Variants in PPM1H observed in about 807,000 individuals in gnomAD.
PPM1H encodes protein phosphatase, Mg2+/Mn2+ dependent 1H.
Under a neutral mutation model 54.9 loss-of-function variants are expected in PPM1H, and 27 were observed. The ratio of observed to expected loss-of-function variants is 0.49; its 90% CI spans 0.36 to 0.68. The LOEUF is 0.68. PPM1H is among the 30% of genes least tolerant of loss of function. PPM1H has a pLI of 0.00. For synonymous variants in PPM1H, 305 were observed against 270.8 expected, an observed-to-expected ratio of 1.13 and a Z score of -1.24; for missense variants, 596 against 667.8, an observed-to-expected ratio of 0.89 and a Z score of 1.19.
intron 9 of PPM1H, chr12:62,659,205 T>C (rs567032485): frequency 5.9e-6 from 4 of 678,518 alleles, no homozygotes; most frequent in African/African-American, 5.9e-5. Context: ...TGCCAGGCTG[T>C]GCAGCGAAGA....
intron 6 of PPM1H, among the ~76,000 whole-genome samples, chr12:62,710,447 G>A (rs188518803): frequency 4.0e-5 from 6 of 151,098 alleles, no homozygotes; most frequent in African/African-American, 1.2e-4. Context: ...CATCAAAATC[G>A]CTTGAATCTG....
At chr12:62,661,489 T>C (rs11174591) in intron 9 of PPM1H, among the ~76,000 whole-genome samples, 34,010 of 152,176 alleles carry the variant, frequency 0.22, 4,027 homozygotes, top group Middle Eastern at 0.3. Context: ...CAACCTCGAC[T>C]TGCCAGCTTC....
At chr12:62,903,132 T>A (rs189600346) in intron 1 of PPM1H, among the ~76,000 whole-genome samples, 1 of 152,050 alleles carries the variant, frequency 6.6e-6, no homozygotes, top group Non-Finnish European at 1.5e-5. Flanking sequence ...CTGGCAAGAG[T>A]CCAGCTTTAT....
At chr12:62,779,603 G>A (rs1183385793) in intron 4 of PPM1H, among the ~76,000 whole-genome samples, 1 of 152,202 alleles carries the variant, frequency 6.6e-6, no homozygotes, top group Non-Finnish European at 1.5e-5. Flanking sequence ...CCTGAGGAGT[G>A]AGTACTATCA....
At chr12:62,652,723 C>T (rs1239970707) in intron 9 of PPM1H, among the ~76,000 whole-genome samples, 3 of 151,948 alleles carry the variant, frequency 2.0e-5, no homozygotes, top group Non-Finnish European at 2.9e-5. Context: ...CTTAGAATGC[C>T]TTCTTTCATT....
At chr12:62,768,441 G>T (rs1317024478) in intron 4 of PPM1H, among the ~76,000 whole-genome samples, 1 of 152,130 alleles carries the variant, frequency 6.6e-6, no homozygotes, top group Non-Finnish European at 1.5e-5. Context: ...GGATCATGAG[G>T]TCAGGACTTC....
chr12:62,914,546 G>A (rs1871561563), intron 1 of PPM1H, among the ~76,000 whole-genome samples: 1 of 152,180 alleles, frequency 6.6e-6, no homozygotes, highest in Admixed American at 6.5e-5. Context: ...CTGTGGGAGA[G>A]GGAAGGTGAT....
Position 62,845,996 on chromosome 12 carries a change from A to C in PPM1H, c.246-13717T>G, listed in dbSNP as rs199555927. ...GCTTCTCAGCCTGCGGGGCTAAGTC[A>C]TAACTATGACTTACATCCCCATTTC... is the stretch of plus-strand genomic sequence containing the variant. On this transcript the variant is annotated intron_variant, in intron 1 of 9. Transcript: ENST00000228705. Among the ~76,000 whole-genome samples, 11 of 152,276 alleles carry C rather than the reference A, an allele frequency of 7.2e-5. No homozygotes were observed. In the East Asian group the frequency reaches 2.1e-3, roughly 29 times the overall value.
At chr12:62,819,534 AT>A (rs2076889518) in intron 2 of PPM1H, among the ~76,000 whole-genome samples, 1 of 152,252 alleles carries the variant, frequency 6.6e-6, no homozygotes, top group Admixed American at 6.5e-5. Flanking sequence ...ACCTAGATCC[AT>A]TCAAGAGTGT....
intron 2 of PPM1H, among the ~76,000 whole-genome samples, chr12:62,828,105 C>A (rs1868310197): frequency 6.6e-6 from 1 of 152,154 alleles, no homozygotes; most frequent in Non-Finnish European, 1.5e-5. Context: ...TGTACTATCA[C>A]CATCCTTTCC....
intron 3 of PPM1H, among the ~76,000 whole-genome samples, chr12:62,796,491 T>G (rs557295538): frequency 1.3e-5 from 2 of 152,176 alleles, no homozygotes; most frequent in African/African-American, 4.8e-5. Context: ...CAGGAAAAAT[T>G]TACTTACATT....
chr12:62,726,649 C>T (rs1298599814), intron 5 of PPM1H, among the ~76,000 whole-genome samples: 2 of 152,162 alleles, frequency 1.3e-5, no homozygotes, highest in Non-Finnish European at 2.9e-5. Context: ...CCCATCAGGC[C>T]AGCGCAGAGA....
At chr12:62,723,836 CA>C (rs2076276193) in intron 5 of PPM1H, among the ~76,000 whole-genome samples, 1 of 152,100 alleles carries the variant, frequency 6.6e-6, no homozygotes, top group South Asian at 2.1e-4. Flanking sequence ...TAACAAACCC[CA>C]TGTCTAAGAA....
At chr12:62,730,563 T>C (rs1031751529) in intron 5 of PPM1H, among the ~76,000 whole-genome samples, 6 of 152,244 alleles carry the variant, frequency 3.9e-5, no homozygotes, top group Non-Finnish European at 7.3e-5. Context: ...TACCTAAAAC[T>C]TATACATTAA....
chr12:62,826,951 C>T (rs569290573), intron 2 of PPM1H, among the ~76,000 whole-genome samples: 1 of 152,296 alleles, frequency 6.6e-6, no homozygotes, highest in South Asian at 2.1e-4. Context: ...AGATACCTTC[C>T]CTCTTCACAG....
chr12:62,868,912 G>C (rs1464779158), intron 1 of PPM1H, among the ~76,000 whole-genome samples: 1 of 152,210 alleles, frequency 6.6e-6, no homozygotes, highest in Non-Finnish European at 1.5e-5. Flanking sequence ...AACTTGTCCA[G>C]AGTTACACAG....
rs578160514 is a variant in PPM1H at position 62,662,326 on chromosome 12, C to T, written c.1397+4852G>A. Among the ~76,000 whole-genome samples, 135 of 152,280 alleles carry T rather than the reference C, an allele frequency of 8.9e-4. 1 individual carries two copies. Among genetic ancestry groups the T allele is most frequent in the African/African-American group, 3.2e-3 (134 of 41,550 alleles). On this transcript the variant is annotated intron_variant, in intron 9 of 9. Transcript: ENST00000228705. ...TGTTGCTAACAAGTGGGATACATAA[C>T]ATGAAACTTGAAAGGCGAAAAACAC...
chr12:62,654,326 C>T (rs756537339), intron 9 of PPM1H, among the ~76,000 whole-genome samples: 2 of 151,114 alleles, frequency 1.3e-5, no homozygotes, highest in Admixed American at 6.6e-5. Flanking sequence ...GCAAAATGGC[C>T]GAGTTTAACT....
chr12:62,753,810 A>G (rs1482870581), intron 4 of PPM1H, among the ~76,000 whole-genome samples: 1 of 152,174 alleles, frequency 6.6e-6, no homozygotes, highest in Non-Finnish European at 1.5e-5. Flanking sequence ...TTTTCCAGAT[A>G]AGGGGGATCA....
Sources: gnomAD v4.1 joint callset for allele counts (sites outside exome capture counted in the v4.1 genomes callset) on GRCh38, gnomAD v4.1.1 for gene constraint, MANE v1.5 for transcripts, NCBI Gene and HGNC (gene_info 2026-07-23, HGNC 2026-07-21) for gene names.